The following B3GAT2 variants were observed in gnomAD, a reference collection of about 807,000 sequenced individuals.
The protein encoded by B3GAT2 is beta-1,3-glucuronyltransferase 2.
Under a neutral mutation model 27.8 loss-of-function variants are expected in B3GAT2, and 26 were observed. The observed-to-expected ratio is 0.93, with a 90% CI of 0.68 to 1.30. The LOEUF is 1.30. Among genes scored for constraint, B3GAT2 ranks in the 50% most tolerant of loss-of-function variants. B3GAT2 has a pLI of 0.00. For synonymous variants in B3GAT2, 218 were observed against 195.1 expected, an observed-to-expected ratio of 1.12 and a Z score of -0.98; for missense variants, 458 against 459.0, an observed-to-expected ratio of 1.00 and a Z score of 0.02.
chr6:70,944,070 T>G (rs1765436230), intron 1 of B3GAT2, among the ~76,000 whole-genome samples: 1 of 152,142 alleles, frequency 6.6e-6, no homozygotes, highest in Non-Finnish European at 1.5e-5. Flanking sequence ...AACAAATATA[T>G]TAACATATAA....
intron 2 of B3GAT2, among the ~76,000 whole-genome samples, chr6:70,872,694 CCAATAA>C (rs1169457520): frequency 6.6e-6 from 1 of 151,818 alleles, no homozygotes; most frequent in Non-Finnish European, 1.5e-5. Flanking sequence ...AATGTAATTA[CCAATAA>C]ATTGATTTAC....
In B3GAT2 at chr6:70,919,245, T is replaced by A. The variant is rs988910178; in HGVS notation, c.592-24973A>T. 4.3e-4 allele frequency among the ~76,000 whole-genome samples: 65 copies of A among 152,220 alleles called. 1 individual carries two copies. The highest frequency in any genetic ancestry group is 7.3e-5 in the Non-Finnish European group (5 of 68,036). Reference sequence around the variant, plus strand: ...TCTTGTACTATGGTTTTAAGCTCTATCATGTCATTTATATTCTTCTCTACA... The same window carrying A: ...TCTTGTACTATGGTTTTAAGCTCTAACATGTCATTTATATTCTTCTCTACA... On this transcript the variant is annotated intron_variant, in intron 1 of 3. Coordinates refer to ENST00000230053, the MANE Select transcript of B3GAT2 (RefSeq NM_080742.3).
intron 2 of B3GAT2, among the ~76,000 whole-genome samples, chr6:70,871,578 G>A (rs532092702): frequency 1.2e-4 from 18 of 151,786 alleles, no homozygotes; most frequent in South Asian, 6.2e-4. Context: ...ATTAATATTC[G>A]TGCTTTCATT....
In B3GAT2 at chr6:70,860,051, T is replaced by C; in HGVS notation, c.*1612A>G. 1 of 824,306 alleles carries C rather than the reference T, an allele frequency of 1.2e-6. No homozygotes were observed. Among genetic ancestry groups the C allele is most frequent in the Non-Finnish European group, 1.8e-6 (1 of 566,370 alleles). The allele number at this position is 824,306 out of a possible 1,614,324, so 51.1% of individuals were successfully genotyped here. ...GAAGGGAACAAAGTAGCTATTTGCT[T>C]TAAGAAATATTTGTATGGTACTCTG... On this transcript the variant is annotated 3_prime_UTR_variant, in exon 4 of 4. Transcript: ENST00000230053.
chr6:70,900,389 G>A (rs1772477533), intron 1 of B3GAT2, among the ~76,000 whole-genome samples: 1 of 150,000 alleles, frequency 6.7e-6, no homozygotes, highest in African/African-American at 2.4e-5. Flanking sequence ...CAGTCTGGTG[G>A]CCCTTAACAA....
intron 1 of B3GAT2, among the ~76,000 whole-genome samples, chr6:70,922,622 C>T (rs1772887400): frequency 6.6e-6 from 1 of 151,572 alleles, no homozygotes; most frequent in South Asian, 2.1e-4. Flanking sequence ...AGAAAATATT[C>T]TGAATATAAA....
chr6:70,952,222 T>A (rs1765588967), intron 1 of B3GAT2, among the ~76,000 whole-genome samples: 1 of 152,148 alleles, frequency 6.6e-6, no homozygotes, highest in Admixed American at 6.5e-5. Flanking sequence ...TCCAGAAACA[T>A]CTTCTAGATG....
At position 70,956,714 on chromosome 6, in the gene B3GAT2, C is replaced by T. The variant is rs1765664213; in HGVS notation, c.-285G>A. ...GGAAGCGGGACTCGGTCCAGCCGCG[C>T]GCCGCCGGTCCCGGAGTTGTGCCGA... On this transcript the variant is annotated 5_prime_UTR_variant, in exon 1 of 4. Coordinates refer to ENST00000230053, the MANE Select transcript of B3GAT2 (RefSeq NM_080742.3). 3 of 1,333,882 alleles carry T rather than the reference C, an allele frequency of 2.2e-6. No homozygotes were observed. Among genetic ancestry groups the T allele is most frequent in the Non-Finnish European group, 2.9e-6 (3 of 1,042,934 alleles). 82.6% of individuals were successfully genotyped at this position (1,333,882 alleles called of 1,614,324 possible). A position where few individuals can be genotyped will look rare whatever the true frequency, so the allele number is the denominator to read the frequency against.
In B3GAT2 at chr6:70,956,413, A is replaced by C; in HGVS notation, c.17T>G (p.Phe6Cys). MKSAL[F>C]TRFFILLPWI... The stretch of plus-strand genomic sequence containing the variant: ...GGGCAGGAGGATAAAGAAGCGGGTG[A>C]AAAGCGCGGACTTCATGGTGCACGC... Residue 6 changes from phenylalanine (F) to cysteine (C), a missense_variant, in exon 1 of 4, where the codon TTC becomes TGC. Coordinates refer to ENST00000230053, the MANE Select transcript of B3GAT2 (RefSeq NM_080742.3). 2 of 1,551,602 alleles carry C rather than the reference A, an allele frequency of 1.3e-6. No individual in the cohort carries two copies. The highest frequency in any genetic ancestry group is 1.7e-6 in the Non-Finnish European group (2 of 1,146,994).
intron 1 of B3GAT2, among the ~76,000 whole-genome samples, chr6:70,927,641 T>G (rs1384904530): frequency 6.6e-6 from 1 of 152,110 alleles, no homozygotes; most frequent in African/African-American, 2.4e-5. Context: ...CCTAAATATA[T>G]ATGCACCCAA....
intron 1 of B3GAT2, among the ~76,000 whole-genome samples, chr6:70,900,307 G>T (rs960578569): frequency 6.6e-6 from 1 of 152,170 alleles, no homozygotes; most frequent in Admixed American, 6.5e-5. Context: ...ACTATTCCAG[G>T]GTAGTGGTGC....
chr6:70,927,492 C>T (rs1772982865), intron 1 of B3GAT2, among the ~76,000 whole-genome samples: 1 of 152,104 alleles, frequency 6.6e-6, no homozygotes, highest in South Asian at 2.1e-4. Flanking sequence ...ATCTACCAAG[C>T]AAATGGAAAG....
chr6:70,862,345 C>T (rs1771770588), intron 2 of B3GAT2, among the ~76,000 whole-genome samples: 1 of 152,118 alleles, frequency 6.6e-6, no homozygotes, highest in African/African-American at 2.4e-5. Context: ...TACATGCTTA[C>T]CTAACTACAT....
Position 70,857,044 on chromosome 6 carries a change from A to G in B3GAT2, c.*4619T>C. On this transcript the variant is annotated 3_prime_UTR_variant, in exon 4 of 4. Coordinates refer to ENST00000230053, the MANE Select transcript of B3GAT2 (RefSeq NM_080742.3). ...AAAGTACTCCTGGTAATGAATTTTG[A>G]TATCTGCTTTCAGTGACATTACTAG... 1.9e-6 allele frequency: 3 copies of G among 1,589,156 alleles called. No individual in the cohort carries two copies. The highest frequency in any genetic ancestry group is 1.2e-5 in the South Asian group (1 of 86,532).
At chr6:70,909,255 A>G (rs1772649627) in intron 1 of B3GAT2, among the ~76,000 whole-genome samples, 1 of 152,192 alleles carries the variant, frequency 6.6e-6, no homozygotes, top group Non-Finnish European at 1.5e-5. Context: ...CTTAATTGGG[A>G]AAAGAGTATC....
intron 1 of B3GAT2, among the ~76,000 whole-genome samples, chr6:70,905,971 T>C (rs1427031831): frequency 6.6e-6 from 1 of 152,018 alleles, no homozygotes; most frequent in Non-Finnish European, 1.5e-5. Context: ...TGTTCAACTA[T>C]TTATCTTCAC....
intron 1 of B3GAT2, among the ~76,000 whole-genome samples, chr6:70,944,435 G>GAGGGTCCTA (rs537973758): frequency 1.1e-4 from 16 of 151,686 alleles, no homozygotes; most frequent in African/African-American, 3.9e-4. Flanking sequence ...CCCACACATG[G>GAGGGTCCTA]CGCCCACGGA....
intron 1 of B3GAT2, among the ~76,000 whole-genome samples, chr6:70,915,561 C>A (rs1374401796): frequency 1.3e-5 from 2 of 152,234 alleles, no homozygotes; most frequent in South Asian, 4.1e-4. Flanking sequence ...AGTCTTTTAT[C>A]CATCTTGAGT....
rs1765658737 is a variant in B3GAT2, at chr6:70,956,385, C to A, written c.45G>T (p.Trp15Cys). ...CGAGCATGATGATGACAATTAGGATCCAGGGCAGGAGGATAAAGAAGCGGG... is the reference window on the plus strand; with the variant it reads ...CGAGCATGATGATGACAATTAGGATACAGGGCAGGAGGATAAAGAAGCGGG... ...LFTRFFILLP[W>C]ILIVIIMLDV... Residue 15 changes from tryptophan to cysteine, a missense_variant, in exon 1 of 4, where the codon TGG becomes TGT. Coordinates refer to ENST00000230053, the MANE Select transcript of B3GAT2 (RefSeq NM_080742.3). 6.4e-7 allele frequency: 1 copy of A among 1,555,410 alleles called. No homozygotes were observed. The highest frequency in any genetic ancestry group is 8.7e-7 in the Non-Finnish European group (1 of 1,148,996).
Sources: allele counts gnomAD v4.1 joint callset (sites outside exome capture counted in the v4.1 genomes callset), GRCh38; gene constraint gnomAD v4.1.1; transcripts MANE v1.5; gene names NCBI Gene and HGNC (gene_info 2026-07-23, HGNC 2026-07-21).